The following VPS8 variants were observed in gnomAD, a reference collection of about 807,000 sequenced individuals.
The protein encoded by VPS8 is vacuolar protein sorting-associated protein 8 homolog.
VPS8 carries 129 observed loss-of-function variants against 216.4 expected under a neutral mutation model. The ratio of observed to expected loss-of-function variants is 0.60; its 90% CI spans 0.52 to 0.69. The LOEUF (loss-of-function observed/expected upper bound fraction) is 0.69, where lower values mean the gene tolerates loss of function less well. Ranked by LOEUF, VPS8 falls within the 30% of genes least tolerant of loss-of-function variation. VPS8 has a pLI of 0.00. For missense variants in VPS8, 1,531 were observed against 1,683.5 expected, an observed-to-expected ratio of 0.91 and a Z score of 1.59; for synonymous variants, 571 against 565.4, an observed-to-expected ratio of 1.01 and a Z score of -0.14.
chr3:185,047,544 AC>A (rs1713210425), intron 46 of VPS8, among the ~76,000 whole-genome samples: 1 of 152,136 alleles, frequency 6.6e-6, no homozygotes, highest in South Asian at 2.1e-4. Context: ...GCAAAGAAAA[AC>A]GTCCTTTTAC....
chr3:184,868,939 GT>G lies in VPS8; in HGVS notation c.1507-3del. Reference sequence around the variant, plus strand: ...GGGGCCTGGTTTCTCTCATTTTTCCGTTTTAGAGAGTGGATCATCTCCTGAA... The same window carrying G: ...GGGGCCTGGTTTCTCTCATTTTTCCGTTTAGAGAGTGGATCATCTCCTGAA... On this transcript the variant is annotated splice_region_variant and splice_polypyrimidine_tract_variant and intron_variant, in intron 18 of 47. Coordinates refer to ENST00000625842, the MANE Select transcript of VPS8 (RefSeq NM_001009921.3). The G allele has an allele frequency of 4.4e-6, 7 of 1,601,482 alleles. No individual in the cohort carries two copies. Among genetic ancestry groups the G allele is most frequent in the Non-Finnish European group, 6.0e-6 (7 of 1,173,970 alleles).
chr3:184,854,733 A>T (rs1318698763), intron 13 of VPS8, among the ~76,000 whole-genome samples: 4 of 152,164 alleles, frequency 2.6e-5, no homozygotes, highest in Non-Finnish European at 4.4e-5. Context: ...CCCCACTGTA[A>T]TATGCGCCAT....
intron 22 of VPS8, among the ~76,000 whole-genome samples, chr3:184,893,033 A>G (rs1009972596): frequency 1.2e-4 from 19 of 152,208 alleles, no homozygotes; most frequent in African/African-American, 4.6e-4. Flanking sequence ...TGAATTATTG[A>G]TTCAAATGAA....
chr3:184,926,827 T>C (rs1208319289), intron 31 of VPS8, among the ~76,000 whole-genome samples, 177 bp downstream of exon 31: 1 of 152,194 alleles, frequency 6.6e-6, no homozygotes, highest in African/African-American at 2.4e-5. Flanking sequence ...GAGGTACATG[T>C]GTAAGAAGCT....
At chr3:184,972,337 G>T (rs947500017) in intron 40 of VPS8, among the ~76,000 whole-genome samples, 5 of 152,176 alleles carry the variant, frequency 3.3e-5, no homozygotes, top group African/African-American at 1.2e-4. Flanking sequence ...CTGAGATTTT[G>T]TGTATGCCAT....
At position 184,915,376 on chromosome 3, in the gene VPS8, C is replaced by T. The variant is rs2109088637; in HGVS notation, c.2284C>T (p.Leu762=). The T allele has an allele frequency of 1.9e-6, 3 of 1,613,018 alleles. No homozygotes were observed. Among genetic ancestry groups the T allele is most frequent in the Admixed American group, 1.7e-5 (1 of 59,696 alleles). Residue 762 remains leucine, a synonymous_variant, in exon 28 of 48, where the codon CTG becomes TTG. Transcript: ENST00000625842. ...KNQVFEFLIR[L]HSAEASPEEE... is the part of the protein sequence containing the mutation. Reference sequence around the variant, plus strand: ...GCAGGTTTTTGAATTTCTAATTCGCCTGCATTCAGCAGAGGCTTCTCCTGA... The same window carrying T: ...GCAGGTTTTTGAATTTCTAATTCGCTTGCATTCAGCAGAGGCTTCTCCTGA...
rs1290332959 is a variant in VPS8, at chr3:185,051,858, T to C, written c.4138-18T>C. The C allele has an allele frequency of 6.3e-7, 1 of 1,578,466 alleles. No homozygotes were observed. The highest frequency in any genetic ancestry group is 2.3e-5 in the East Asian group (1 of 43,802). On this transcript the variant is annotated intron_variant, in intron 47 of 47. Transcript: ENST00000625842. ...TGCTCCCCACAAACCTTAGCTGATGTGTGTCCTTCCTTTGCAGCTGGCTCT... is the reference window on the plus strand; with the variant it reads ...TGCTCCCCACAAACCTTAGCTGATGCGTGTCCTTCCTTTGCAGCTGGCTCT...
intron 37 of VPS8, among the ~76,000 whole-genome samples, chr3:184,961,748 GTTTTTGTTTTTGTTT>G (rs1052679513): frequency 3.7e-5 from 5 of 134,180 alleles, no homozygotes; most frequent in South Asian, 4.8e-4. Flanking sequence ...CAATTTTTTT[GTTTTTGTTTTTGTTT>G]TTTTTGTTTT....
chr3:184,941,116 G>GAA (rs1742603413), intron 36 of VPS8, among the ~76,000 whole-genome samples: 1 of 152,158 alleles, frequency 6.6e-6, no homozygotes, highest in Non-Finnish European at 1.5e-5. Context: ...GCTGGCCATT[G>GAA]AAAACAACTA....
chr3:184,961,889 C>A (rs570617747), intron 37 of VPS8, among the ~76,000 whole-genome samples: 1 of 152,042 alleles, frequency 6.6e-6, no homozygotes, highest in South Asian at 2.1e-4. Context: ...ACCTCAGCCT[C>A]CCAAGTTGCT....
intron 34 of VPS8, among the ~76,000 whole-genome samples, chr3:184,932,563 A>G (rs546273402): frequency 2.0e-5 from 3 of 152,254 alleles, no homozygotes; most frequent in Non-Finnish European, 2.9e-5. Context: ...TTTCCCACAT[A>G]TTCTTTTCTG....
chr3:184,863,253 A>G (rs1726709927), intron 16 of VPS8, among the ~76,000 whole-genome samples, 186 bp downstream of exon 16: 1 of 152,218 alleles, frequency 6.6e-6, no homozygotes, highest in African/African-American at 2.4e-5. Context: ...ACAAGCTAAA[A>G]CAATCATTTT....
At position 185,051,797 on chromosome 3, in the gene VPS8, A is replaced by G. The variant is rs1714299508; in HGVS notation, c.4138-79A>G. 8 of 1,454,934 alleles carry G rather than the reference A, an allele frequency of 5.5e-6. No individual in the cohort carries two copies. In the South Asian group the frequency reaches 1.2e-4, roughly 21 times the overall value. The allele number at this position is 1,454,934 out of a possible 1,614,324, so 90.1% of individuals were successfully genotyped here. On this transcript the variant is annotated intron_variant, in intron 47 of 47. Transcript: ENST00000625842. ...TGCAACACAGCACTGTCTCTCATGT[A>G]TCTGAAGCAGTGGATTCAGGAGCCT... is the stretch of plus-strand genomic sequence containing the variant.
At chr3:184,915,684 C>T (rs1737429056) in intron 28 of VPS8, among the ~76,000 whole-genome samples, 2 of 152,160 alleles carry the variant, frequency 1.3e-5, no homozygotes, top group Admixed American at 1.3e-4. Context: ...TGGCAGGTGC[C>T]TGTAATCCCA....
At chr3:184,816,985 T>C (rs931176682) in intron 1 of VPS8, among the ~76,000 whole-genome samples, 2 of 152,186 alleles carry the variant, frequency 1.3e-5, no homozygotes, top group Non-Finnish European at 2.9e-5. Flanking sequence ...GCAAATTGAA[T>C]GGAAGTATGG....
intron 16 of VPS8, among the ~76,000 whole-genome samples, chr3:184,865,679 G>A (rs1727210940): frequency 6.6e-6 from 1 of 152,144 alleles, no homozygotes; most frequent in South Asian, 2.1e-4. Context: ...AAGATAGTTT[G>A]GCACTTAATT....
At chr3:185,013,330 A>C (rs1446988026) in intron 45 of VPS8, among the ~76,000 whole-genome samples, 1 of 152,244 alleles carries the variant, frequency 6.6e-6, no homozygotes, top group Non-Finnish European at 1.5e-5. Flanking sequence ...AAGCAAAGGC[A>C]GCTTTGCATG....
intron 25 of VPS8, among the ~76,000 whole-genome samples, chr3:184,904,043 G>T (rs941001794): frequency 2.0e-5 from 3 of 151,808 alleles, no homozygotes; most frequent in African/African-American, 7.3e-5. Flanking sequence ...TTATTTTCAG[G>T]ATTTGCTGGT....
Position 185,048,080 on chromosome 3 carries a change from G to A in VPS8, c.4057-399G>A, listed in dbSNP as rs80296186. On this transcript the variant is annotated intron_variant, in intron 46 of 47. Coordinates refer to ENST00000625842, the MANE Select transcript of VPS8 (RefSeq NM_001009921.3). ...GGATGAGATTTTTAAATGACAGTGC[G>A]TCTCCTGTTACCATGACAGAGAAAA... Among the ~76,000 whole-genome samples the A allele has an allele frequency of 4.5e-3, 684 of 152,300 alleles. 7 individuals carry two copies. The highest frequency in any genetic ancestry group is 0.015 in the African/African-American group (628 of 41,554).
Sources: allele counts gnomAD v4.1 joint callset (sites outside exome capture counted in the v4.1 genomes callset), GRCh38; gene constraint gnomAD v4.1.1; transcripts MANE v1.5; gene names NCBI Gene and HGNC (gene_info 2026-07-23, HGNC 2026-07-21).